ARHGAP4: variants seen among roughly 807,000 people sequenced by gnomAD.
ARHGAP4 encodes Rho GTPase activating protein 4.
A neutral mutation model predicts 67.6 loss-of-function variants in ARHGAP4; 25 were observed. The observed-to-expected ratio is 0.37, with a 90% CI of 0.27 to 0.52. The LOEUF (loss-of-function observed/expected upper bound fraction) is 0.52, where lower values mean the gene tolerates loss of function less well. Ranked by LOEUF, ARHGAP4 falls within the 20% of genes least tolerant of loss-of-function variation. The pLI is 0.92. For missense variants in ARHGAP4, 804 were observed against 854.6 expected, an observed-to-expected ratio of 0.94 and a Z score of 0.74; for synonymous variants, 448 against 373.7, an observed-to-expected ratio of 1.20 and a Z score of -2.29.
At chrX:153,912,319 G>A (rs1471325515) in intron 12 of ARHGAP4, among the ~76,000 whole-genome samples, 1 of 111,524 alleles carries the variant, frequency 9.0e-6, no homozygotes, top group African/African-American at 3.3e-5. Context: ...ACCGTGCCTG[G>A]CCCCCTCTGA....
Position 153,919,252 on chromosome X carries a change from T to G in ARHGAP4, c.713A>C (p.Lys238Thr). The G allele has an allele frequency of 8.2e-7, 1 of 1,212,310 alleles. No homozygotes were observed. The highest frequency in any genetic ancestry group is 1.1e-6 in the Non-Finnish European group (1 of 895,610). Residue 238 changes from lysine to threonine, a missense_variant, in exon 6 of 22, where the codon AAG becomes ACG. By Grantham distance (78) the Lys-to-Thr change is moderately conservative. This residue lies in a region of ARHGAP4 where 404 missense variants were observed against 505.9 expected (regional missense o/e 0.80). Transcript: ENST00000350060. ...GTACTCGTTGCGCGCCTTTGTGCAC[T>G]TGAGTTTGTGCTCCATGAACTTGGC... ...RQAKFMEHKL[K>T]CTKARNEYLL...
At chrX:153,915,201 G>A (rs1045921373) in intron 7 of ARHGAP4, among the ~76,000 whole-genome samples, 3 of 86,191 alleles carry the variant, frequency 3.5e-5, no homozygotes, top group Non-Finnish European at 4.6e-5. Context: ...CTGTAGAGAC[G>A]GACAGTGGAA....
chrX:153,910,408 G>C lies in ARHGAP4; in HGVS notation c.1923-4C>G, dbSNP rs367728158. 1.7e-5 allele frequency: 20 copies of C among 1,192,117 alleles called. No homozygotes were observed. The East Asian group carries it at 3.6e-4, about 21-fold the overall frequency. On this transcript the variant is annotated splice_region_variant and splice_polypyrimidine_tract_variant and intron_variant, in intron 16 of 21. Transcript: ENST00000350060. ...CTCATCGCTGTACTGGGCCAGGCTG[G>C]GGGGACACGCACATCACAAGCAGAG...
intron 12 of ARHGAP4, among the ~76,000 whole-genome samples, chrX:153,911,864 C>T (rs1160761827): frequency 9.2e-6 from 1 of 109,106 alleles, no homozygotes; most frequent in Non-Finnish European, 1.9e-5. Flanking sequence ...GAGCTGAGAT[C>T]GTGCCACTGC....
intron 9 of ARHGAP4, 24 bp from the exon 10 acceptor site, chrX:153,913,326 C>T: frequency 1.7e-6 from 2 of 1,197,001 alleles, no homozygotes; most frequent in Non-Finnish European, 2.3e-6. Context: ...AGAAGAGCCC[C>T]AAGTGTTAGC....
chrX:153,910,762 A>C lies in ARHGAP4; in HGVS notation c.1754T>G (p.Phe585Cys), dbSNP rs374735745. Residue 585 changes from phenylalanine to cysteine, a missense_variant, in exon 15 of 22, where the codon TTC (phenylalanine) becomes TGC (cysteine). Physicochemically the swap from Phe to Cys is radical, Grantham distance 205. Coordinates refer to ENST00000350060, the MANE Select transcript of ARHGAP4 (RefSeq NM_001666.5). ...GAAGAGTGGGGGCTCCAGGCTCCGG[A>C]AGTAGAGCTTCAGCACCCCGGCCAC... is the stretch of plus-strand genomic sequence containing the variant. ...DSVAGVLKLYFRSLEPPLFPP... is the reference protein window; with the variant it reads ...DSVAGVLKLYCRSLEPPLFPP... 8.4e-7 allele frequency: 1 copy of C among 1,191,561 alleles called. No individual in the cohort carries two copies. Among genetic ancestry groups the C allele is most frequent in the African/African-American group, 1.8e-5 (1 of 56,711 alleles).
Position 153,908,660 on chromosome X carries a change from C to T in ARHGAP4, c.2607+410G>A, listed in dbSNP as rs782224588. On this transcript the variant is annotated intron_variant, in intron 21 of 21. Coordinates refer to ENST00000350060, the MANE Select transcript of ARHGAP4 (RefSeq NM_001666.5). ...CATCTGTCCCTTTCATCCTCCCTGG[C>T]GTGCCAAGCGCCTGCCATGGCACCG... Among the ~76,000 whole-genome samples the T allele has an allele frequency of 8.4e-5, 9 of 107,472 alleles. No homozygotes were observed. In the East Asian group the frequency reaches 2.4e-3, roughly 28 times the overall value. The allele number at this position is 107,472 out of a possible 115,157, so 93.3% of individuals were successfully genotyped here. A position where few individuals can be genotyped will look rare whatever the true frequency, so the allele number is the denominator to read the frequency against.
At chrX:153,911,929 A>AG (rs2065023949) in intron 12 of ARHGAP4, among the ~76,000 whole-genome samples, 1 of 85,114 alleles carries the variant, frequency 1.2e-5, no homozygotes, top group Admixed American at 1.4e-4. Flanking sequence ...AAAAAAAAAA[A>AG]AAAAGAAAGA....
At chrX:153,921,208 C>T in intron 3 of ARHGAP4, 49 bp from the exon 4 acceptor site, 1 of 1,182,074 alleles carries the variant, frequency 8.5e-7, no homozygotes, top group Non-Finnish European at 1.1e-6. Context: ...AGCGGCCCCG[C>T]CAGGCACTGG....
chrX:153,923,087 C>T (rs782587867), intron 1 of ARHGAP4, among the ~76,000 whole-genome samples: 19 of 110,927 alleles, frequency 1.7e-4, no homozygotes, highest in African/African-American at 5.9e-4. Flanking sequence ...GCACAGAGCC[C>T]GGGGTCTGGG....
At chrX:153,917,989 G>A (rs781937986) in intron 7 of ARHGAP4, among the ~76,000 whole-genome samples, 6 of 111,969 alleles carry the variant, frequency 5.4e-5, no homozygotes, top group Non-Finnish European at 7.5e-5. Context: ...ACAGTGCTGG[G>A]ACGAGGTAGC....
intron 1 of ARHGAP4, chrX:153,922,011 G>T: frequency 1.1e-6 from 1 of 873,259 alleles, no homozygotes; most frequent in Non-Finnish European, 1.5e-6. Flanking sequence ...GGCCTCAGCT[G>T]TCCAGCCGAC....
chrX:153,911,092 G>C, intron 13 of ARHGAP4, 37 bp downstream of exon 13: 1 of 1,166,524 alleles, frequency 8.6e-7, no homozygotes, highest in South Asian at 1.9e-5. Context: ...CTGGGTGCTG[G>C]GTGCCAGGAC....
At position 153,910,166 on chromosome X, in the gene ARHGAP4, T is replaced by A. The variant is rs1280162411; in HGVS notation, c.2156+5A>T. 8.3e-7 allele frequency: 1 copy of A among 1,209,939 alleles called. No homozygotes were observed. The highest frequency in any genetic ancestry group is 1.8e-5 in the South Asian group (1 of 56,908). ...CCAGTCCCCTCGGCAGCACCAAGGG[T>A]GTACCCCAGGCAGCTGGCGGAAGGC... On this transcript the variant is annotated splice_donor_5th_base_variant and intron_variant, in intron 17 of 21. Transcript: ENST00000350060.
At chrX:153,923,868 C>G (rs1026598665) in intron 1 of ARHGAP4, among the ~76,000 whole-genome samples, 2 of 111,738 alleles carry the variant, frequency 1.8e-5, no homozygotes, top group Non-Finnish European at 1.9e-5. Flanking sequence ...ACCTCCGCCT[C>G]CCGGGTTCAA....
chrX:153,907,772 G>A lies in ARHGAP4; in HGVS notation c.2798C>T (p.Ala933Val), dbSNP rs58410072. 2 of 1,010,901 alleles carry A rather than the reference G, an allele frequency of 2.0e-6. No individual in the cohort carries two copies. The highest frequency in any genetic ancestry group is 3.7e-5 in the East Asian group (1 of 27,171). 83.3% of individuals were successfully genotyped at this position (1,010,901 alleles called of 1,213,427 possible). A position where few individuals can be genotyped will look rare whatever the true frequency, so the allele number is the denominator to read the frequency against. Reference protein sequence around the residue: ...RGPGAPASPSASHPQGLDTTP... With the variant: ...RGPGAPASPSVSHPQGLDTTP... Reference sequence around the variant, plus strand: ...CGTGTCTAGGCCCTGGGGGTGGGAAGCTGAGGGTGAGGCTGGGGCCCCAGG... The same window carrying A: ...CGTGTCTAGGCCCTGGGGGTGGGAAACTGAGGGTGAGGCTGGGGCCCCAGG... Residue 933 changes from alanine (A) to valine (V), a missense_variant, in exon 22 of 22, where the codon GCT becomes GTT. Physicochemically the swap from Ala to Val is moderately conservative, Grantham distance 64 (BLOSUM62 0). Coordinates refer to ENST00000350060, the MANE Select transcript of ARHGAP4 (RefSeq NM_001666.5).
At chrX:153,915,335 T>C (rs1557104135) in intron 7 of ARHGAP4, among the ~76,000 whole-genome samples, 1 of 112,311 alleles carries the variant, frequency 8.9e-6, no homozygotes, top group Non-Finnish European at 1.9e-5. Context: ...GTGAATGTGC[T>C]TCTGCCCCTG....
intron 7 of ARHGAP4, among the ~76,000 whole-genome samples, chrX:153,917,573 T>C (rs1330876017): frequency 3.6e-5 from 4 of 111,762 alleles, no homozygotes; most frequent in African/African-American, 1.3e-4. Flanking sequence ...CTGGGCAACA[T>C]GGTGAAACTC....
At chrX:153,917,139 C>T (rs1557104354) in intron 7 of ARHGAP4, among the ~76,000 whole-genome samples, 1 of 111,760 alleles carries the variant, frequency 8.9e-6, no homozygotes, top group Non-Finnish European at 1.9e-5. Context: ...TTGCTTGAAC[C>T]TGGGAGGCAG....
Sources: gnomAD v4.1 joint callset for allele counts (sites outside exome capture counted in the v4.1 genomes callset) on GRCh38, gnomAD v4.1.1 for gene constraint, gnomAD v4.1.1 regional missense constraint, MANE v1.5 for transcripts, NCBI Gene and HGNC (gene_info 2026-07-23, HGNC 2026-07-21) for gene names.